TMEM131: variants seen among roughly 807,000 people sequenced by gnomAD.
The protein encoded by TMEM131 is 2610524E03Rik.
In TMEM131, 66 loss-of-function variants were observed where a neutral mutation model predicts 211.6. That is an observed-to-expected ratio of 0.31 (90% confidence interval 0.26 to 0.38). The LOEUF (loss-of-function observed/expected upper bound fraction) is 0.38, where lower values mean the gene tolerates loss of function less well. Ranked by LOEUF, TMEM131 falls within the 10% of genes least tolerant of loss-of-function variation. The pLI, the probability that TMEM131 is intolerant of heterozygous loss-of-function variation, is 1.00. For missense variants in TMEM131, 2,036 were observed against 2,299.3 expected, an observed-to-expected ratio of 0.89 and a Z score of 2.34; for synonymous variants, 844 against 841.3, an observed-to-expected ratio of 1.00 and a Z score of -0.06.
chr2:97,995,555 C>T lies in TMEM131; in HGVS notation c.108G>A (p.Arg36=). ...CGCCTAGGAGGCCGGCGGCCGCGCT[C>T]CGCGGGCCCCCGCTACGGGCGGCCG... is the stretch of plus-strand genomic sequence containing the variant. ...EPAAARSGGP[R]SAAAGLLGAL... is the part of the protein sequence containing the mutation. Residue 36 remains arginine (R), a synonymous_variant, in exon 1 of 41, where the codon CGG becomes CGA. Coordinates refer to ENST00000186436, the MANE Select transcript of TMEM131 (RefSeq NM_015348.2). 2.3e-6 allele frequency: 3 copies of T among 1,320,546 alleles called. No individual in the cohort carries two copies. Among genetic ancestry groups the T allele is most frequent in the Non-Finnish European group, 2.9e-6 (3 of 1,033,364 alleles). The allele number at this position is 1,320,546 out of a possible 1,614,324, so 81.8% of individuals were successfully genotyped here.
intron 11 of TMEM131, among the ~76,000 whole-genome samples, chr2:97,828,707 GT>G (rs1266610806): frequency 1.3e-5 from 2 of 152,190 alleles, no homozygotes; most frequent in South Asian, 2.1e-4. Flanking sequence ...GGAGAAGAGT[GT>G]TTTTTTACAC....
chr2:97,994,598 TG>T (rs936119983), intron 1 of TMEM131, among the ~76,000 whole-genome samples: 63 of 152,098 alleles, frequency 4.1e-4, no homozygotes, highest in African/African-American at 1.4e-3. Context: ...TTGCGTGGTT[TG>T]TTTTTTTTTT....
intron 4 of TMEM131, among the ~76,000 whole-genome samples, chr2:97,875,877 C>T (rs1674672070): frequency 6.6e-6 from 1 of 152,100 alleles, no homozygotes; most frequent in Admixed American, 6.5e-5. Context: ...CAGGGCAGAA[C>T]TGAAGGAGAT....
At chr2:97,948,889 C>A (rs1479138937) in intron 1 of TMEM131, among the ~76,000 whole-genome samples, 2 of 152,122 alleles carry the variant, frequency 1.3e-5, no homozygotes, top group East Asian at 1.9e-4. Flanking sequence ...GATCTCCTGA[C>A]CTCGTGATCT....
chr2:97,835,538 G>T (rs1376473602), intron 8 of TMEM131, among the ~76,000 whole-genome samples: 2 of 152,194 alleles, frequency 1.3e-5, no homozygotes, highest in African/African-American at 2.4e-5. Context: ...AAATTTTGAG[G>T]AGTAATCTCT....
chr2:97,964,180 C>T (rs1379895211), intron 1 of TMEM131, among the ~76,000 whole-genome samples: 1 of 152,092 alleles, frequency 6.6e-6, no homozygotes, highest in Non-Finnish European at 1.5e-5. Flanking sequence ...TCCTATGTCC[C>T]CAGACAAAAT....
intron 1 of TMEM131, among the ~76,000 whole-genome samples, chr2:97,931,451 T>C (rs1036538915): frequency 1.3e-5 from 2 of 152,248 alleles, no homozygotes; most frequent in Non-Finnish European, 2.9e-5. Context: ...AAGACAAATC[T>C]TTGTCTACTA....
At position 97,995,674 on chromosome 2, in the gene TMEM131, G is replaced by A; in HGVS notation, c.-12C>T. 3 of 1,198,896 alleles carry A rather than the reference G, an allele frequency of 2.5e-6. No individual in the cohort carries two copies. Among genetic ancestry groups the A allele is most frequent in the South Asian group, 4.2e-5 (1 of 24,058 alleles). 74.3% of individuals were successfully genotyped at this position (1,198,896 alleles called of 1,614,324 possible). On this transcript the variant is annotated 5_prime_UTR_variant, in exon 1 of 41. Transcript: ENST00000186436. ...GCCCGCTTCCCCATCCCTGCCGGCCGGGGGCCGCCGCGCTCGAGGTCCGGC... is the reference window on the plus strand; with the variant it reads ...GCCCGCTTCCCCATCCCTGCCGGCCAGGGGCCGCCGCGCTCGAGGTCCGGC...
intron 3 of TMEM131, among the ~76,000 whole-genome samples, chr2:97,892,789 T>C (rs1035543682): frequency 1.3e-5 from 2 of 152,214 alleles, no homozygotes; most frequent in African/African-American, 4.8e-5. Context: ...ATGAGCCTAT[T>C]TATTATTGTC....
intron 2 of TMEM131, among the ~76,000 whole-genome samples, chr2:97,913,366 G>C (rs1293029007): frequency 6.6e-6 from 1 of 152,178 alleles, no homozygotes. Context: ...GTGCGTTACT[G>C]TCTTAACTGT....
Position 97,796,158 on chromosome 2 carries a change from T to A in TMEM131, c.3200+60A>T, listed in dbSNP as rs76571191. On this transcript the variant is annotated intron_variant, in intron 28 of 40. Transcript: ENST00000186436. ...GACCTTTGGTAAATATGAAAACATA[T>A]CTTTGCACAGAGTTTGAGGAAAGTT... The A allele has an allele frequency of 1.9e-4, 194 of 1,022,226 alleles. 1 individual carries two copies. In the African/African-American group the frequency reaches 3.0e-3, roughly 16 times the overall value. The allele number at this position is 1,022,226 out of a possible 1,614,324, so 63.3% of individuals were successfully genotyped here. A position where few individuals can be genotyped will look rare whatever the true frequency, so the allele number is the denominator to read the frequency against.
In TMEM131 at chr2:97,794,007, A is replaced by C. The variant is rs1229902352; in HGVS notation, c.3387-454T>G. Among the ~76,000 whole-genome samples, 17 of 149,732 alleles carry C rather than the reference A, an allele frequency of 1.1e-4. 1 individual carries two copies. Among genetic ancestry groups the C allele is most frequent in the South Asian group, 2.1e-4 (1 of 4,728 alleles). ...AGACTCTGTCTCAAAAAAAAAAAAA[A>C]AAAAAAAACAAAAAACCCACAGTTT... On this transcript the variant is annotated intron_variant, in intron 29 of 40. Coordinates refer to ENST00000186436, the MANE Select transcript of TMEM131 (RefSeq NM_015348.2).
At chr2:97,816,419 C>A (rs1337248373) in intron 12 of TMEM131, among the ~76,000 whole-genome samples, 1 of 152,136 alleles carries the variant, frequency 6.6e-6, no homozygotes, top group East Asian at 1.9e-4. Context: ...TCTAGGTACC[C>A]ATTAGATGGT....
intron 33 of TMEM131, among the ~76,000 whole-genome samples, chr2:97,769,583 G>A (rs774713484): frequency 3.3e-5 from 5 of 152,122 alleles, no homozygotes; most frequent in Admixed American, 6.5e-5. Flanking sequence ...TGAGTTGAGA[G>A]TGTTATTTAA....
rs547363670 is a variant in TMEM131 at position 97,872,835 on chromosome 2, C to T, written c.360-13408G>A. ...GCCGTTTGGGCAGTCACCGAACTAACTTCATGAGTTCTTTTTTTTCCATAC... is the reference window on the plus strand; with the variant it reads ...GCCGTTTGGGCAGTCACCGAACTAATTTCATGAGTTCTTTTTTTTCCATAC... On this transcript the variant is annotated intron_variant, in intron 4 of 40. Coordinates refer to ENST00000186436, the MANE Select transcript of TMEM131 (RefSeq NM_015348.2). Among the ~76,000 whole-genome samples the T allele has an allele frequency of 2.6e-5, 4 of 152,320 alleles. No individual in the cohort carries two copies. In the East Asian group the frequency reaches 7.7e-4, roughly 29 times the overall value.
chr2:97,783,059 C>CA (rs1311755137), intron 31 of TMEM131, among the ~76,000 whole-genome samples: 3 of 149,192 alleles, frequency 2.0e-5, no homozygotes, highest in Admixed American at 2.0e-4. Flanking sequence ...AAACTAAAGA[C>CA]AAAAAAACCT....
chr2:97,866,007 C>G (rs918299466), intron 4 of TMEM131, among the ~76,000 whole-genome samples: 1 of 144,698 alleles, frequency 6.9e-6, no homozygotes, highest in African/African-American at 2.6e-5. Flanking sequence ...CTCAGCCTCC[C>G]GAGTAGCTGG....
intron 8 of TMEM131, among the ~76,000 whole-genome samples, chr2:97,835,159 A>T (rs950523996): frequency 6.6e-6 from 1 of 152,272 alleles, no homozygotes; most frequent in African/African-American, 2.4e-5. Flanking sequence ...AGGTAGGCAA[A>T]GCAAAAGAAG....
intron 1 of TMEM131, among the ~76,000 whole-genome samples, chr2:97,982,224 G>T (rs1414494255): frequency 6.6e-6 from 1 of 152,090 alleles, no homozygotes; most frequent in East Asian, 1.9e-4. Flanking sequence ...CATATTGGTG[G>T]GTGTGAAATG....
Sources: gnomAD v4.1 joint callset for allele counts (sites outside exome capture counted in the v4.1 genomes callset) on GRCh38, gnomAD v4.1.1 for gene constraint, MANE v1.5 for transcripts, NCBI Gene and HGNC (gene_info 2026-07-23, HGNC 2026-07-21) for gene names.